Variants in ATP11B observed in about 807,000 individuals in gnomAD.
ATP11B encodes the protein phospholipid-transporting ATPase IF.
ATP11B carries 81 observed loss-of-function variants against 157.8 expected under a neutral mutation model. The ratio of observed to expected loss-of-function variants is 0.51; its 90% confidence interval spans 0.43 to 0.62. The LOEUF (loss-of-function observed/expected upper bound fraction) is 0.62. Among genes scored for constraint, ATP11B ranks in the 20% least tolerant of loss-of-function variants. ATP11B has a pLI of 0.00. For synonymous variants in ATP11B, 451 were observed against 469.4 expected, an observed-to-expected ratio of 0.96 and a Z score of 0.51; for missense variants, 1,165 against 1,402.2, an observed-to-expected ratio of 0.83 and a Z score of 2.70.
At chr3:182,914,345 ATTT>A (rs1560136928) in intron 29 of ATP11B, 1 of 975,662 alleles carries the variant, frequency 1.0e-6, no homozygotes, top group Non-Finnish European at 1.2e-6. Context: ...TTTCCTTTTT[ATTT>A]TTTTAAAATT....
chr3:182,814,317 G>T (rs1046404937), intron 1 of ATP11B, among the ~76,000 whole-genome samples: 1 of 152,008 alleles, frequency 6.6e-6, no homozygotes, highest in Non-Finnish European at 1.5e-5. Flanking sequence ...TGTCCACCTC[G>T]GCCTCCCAAA....
intron 25 of ATP11B, among the ~76,000 whole-genome samples, chr3:182,891,431 G>GT (rs752921976): frequency 1.1e-4 from 16 of 151,990 alleles, no homozygotes; most frequent in Non-Finnish European, 2.2e-4. Context: ...TTACATACTT[G>GT]TTTCAATTCT....
At chr3:182,812,741 C>T (rs535533998) in intron 1 of ATP11B, among the ~76,000 whole-genome samples, 1 of 152,170 alleles carries the variant, frequency 6.6e-6, no homozygotes, top group African/African-American at 2.4e-5. Context: ...TAAAAGTTAC[C>T]ATTTTAACCA....
chr3:182,813,541 G>T (rs555825294), intron 1 of ATP11B, among the ~76,000 whole-genome samples: 1 of 152,224 alleles, frequency 6.6e-6, no homozygotes, highest in Admixed American at 6.5e-5. Flanking sequence ...CTGTAAAACT[G>T]TAATAAATAG....
intron 28 of ATP11B, among the ~76,000 whole-genome samples, chr3:182,909,517 C>T (rs1424733358): frequency 2.0e-5 from 3 of 151,898 alleles, no homozygotes; most frequent in Non-Finnish European, 4.4e-5. Flanking sequence ...GTAATGATTT[C>T]CCCCAAAAAT....
intron 2 of ATP11B, among the ~76,000 whole-genome samples, chr3:182,822,630 C>T (rs1455314042): frequency 1.3e-5 from 2 of 152,160 alleles, no homozygotes; most frequent in Admixed American, 6.5e-5. Context: ...CGGATATATA[C>T]CCAGTAATGG....
chr3:182,873,554 A>G lies in ATP11B; in HGVS notation c.2049-258A>G, dbSNP rs377599710. 6.3e-4 allele frequency among the ~76,000 whole-genome samples: 96 copies of G among 152,230 alleles called. 1 individual carries two copies. The highest frequency in any genetic ancestry group is 1.2e-3 in the Admixed American group (19 of 15,290). On this transcript the variant is annotated intron_variant, in intron 18 of 29. Coordinates refer to ENST00000323116, the MANE Select transcript of ATP11B (RefSeq NM_014616.3). ...ACATAGTTTCATCCTATGAATAGCA[A>G]CTTTGAAGATACATTCTTAAAATAT... is the stretch of plus-strand genomic sequence containing the variant.
At chr3:182,906,767 G>T (rs556769073) in intron 28 of ATP11B, among the ~76,000 whole-genome samples, 1 of 141,434 alleles carries the variant, frequency 7.1e-6, no homozygotes, top group East Asian at 2.1e-4. Context: ...TTTCATAGTT[G>T]TATCTGTTTT....
At chr3:182,838,566 G>C (rs190850138) in intron 7 of ATP11B, among the ~76,000 whole-genome samples, 1 of 151,898 alleles carries the variant, frequency 6.6e-6, no homozygotes, top group East Asian at 1.9e-4. Context: ...AAGAAAACTC[G>C]TAATTATATC....
chr3:182,825,756 C>A (rs886444640), intron 2 of ATP11B, among the ~76,000 whole-genome samples: 66 of 150,340 alleles, frequency 4.4e-4, no homozygotes, highest in African/African-American at 1.4e-3. Flanking sequence ...AAAAATTAGC[C>A]AGGTGTGGTG....
In ATP11B at chr3:182,878,955, T is replaced by C. The variant is rs142341728; in HGVS notation, c.2253-541T>C. ...CACATTTTAGAAAATATAATTACTG[T>C]ATCTATATATCAGTTCATTGTAAAA... On this transcript the variant is annotated intron_variant, in intron 19 of 29. Coordinates refer to ENST00000323116, the MANE Select transcript of ATP11B (RefSeq NM_014616.3). Among the ~76,000 whole-genome samples the C allele has an allele frequency of 2.0e-5, 3 of 152,332 alleles. No homozygotes were observed. In the East Asian group the frequency reaches 5.8e-4, roughly 29 times the overall value.
At chr3:182,903,324 G>A (rs928049928) in intron 28 of ATP11B, among the ~76,000 whole-genome samples, 2 of 151,920 alleles carry the variant, frequency 1.3e-5, no homozygotes, top group Admixed American at 6.6e-5. Flanking sequence ...TCTTAATCAC[G>A]TATTTTTTAA....
chr3:182,854,091 A>G (rs1016705015), intron 10 of ATP11B, among the ~76,000 whole-genome samples: 2 of 152,244 alleles, frequency 1.3e-5, no homozygotes, highest in African/African-American at 2.4e-5. Context: ...TGAGAAAAAC[A>G]TGAAACTTAG....
intron 1 of ATP11B, among the ~76,000 whole-genome samples, chr3:182,801,456 G>A (rs1206126507): frequency 6.6e-6 from 1 of 152,274 alleles, no homozygotes; most frequent in Non-Finnish European, 1.5e-5. Context: ...CTTTCTTTAA[G>A]CATTATGTTA....
intron 1 of ATP11B, among the ~76,000 whole-genome samples, chr3:182,818,353 T>G (rs150395548): frequency 6.6e-6 from 1 of 152,212 alleles, no homozygotes; most frequent in African/African-American, 2.4e-5. Context: ...TTGTGAAAAA[T>G]TTTAAAGACA....
chr3:182,829,790 C>A, intron 4 of ATP11B, 38 bp downstream of exon 4: 2 of 1,477,478 alleles, frequency 1.4e-6, no homozygotes, highest in South Asian at 1.3e-5. Flanking sequence ...TCCTCTAAGT[C>A]ATTTAGAAGT....
intron 28 of ATP11B, among the ~76,000 whole-genome samples, chr3:182,903,997 G>A (rs1724154302): frequency 6.6e-6 from 1 of 152,194 alleles, no homozygotes; most frequent in South Asian, 2.1e-4. Flanking sequence ...CACAGATTCT[G>A]TAATACTCTA....
chr3:182,855,748 T>C (rs1487046095), intron 10 of ATP11B, among the ~76,000 whole-genome samples: 1 of 152,092 alleles, frequency 6.6e-6, no homozygotes, highest in East Asian at 1.9e-4. Context: ...ATAATACATA[T>C]TTCACCAGAG....
chr3:182,800,842 G>A (rs1441680041), intron 1 of ATP11B, among the ~76,000 whole-genome samples: 1 of 148,944 alleles, frequency 6.7e-6, no homozygotes, highest in East Asian at 2.0e-4. Flanking sequence ...GTGCAGTGGC[G>A]CGATCTCCGC....
Sources: gnomAD v4.1 joint callset for allele counts (sites outside exome capture counted in the v4.1 genomes callset) on GRCh38, gnomAD v4.1.1 for gene constraint, MANE v1.5 for transcripts, NCBI Gene and HGNC (gene_info 2026-07-23, HGNC 2026-07-21) for gene names.